AFG2A: variants seen among roughly 807,000 people sequenced by gnomAD.
AFG2A encodes the protein ATPase family gene 2 protein homolog A.
the AFG2A span, among the ~76,000 whole-genome samples, chr4:122,974,293 A>G: frequency 3.3e-5 from 5 of 152,088 alleles, no homozygotes; most frequent in Non-Finnish European, 7.4e-5. Flanking sequence ...AAATTACTAG[A>G]CCATTTTCCC....
At chr4:123,178,281 G>C in the AFG2A span, among the ~76,000 whole-genome samples, 1 of 152,098 alleles carries the variant, frequency 6.6e-6, no homozygotes, top group African/African-American at 2.4e-5. Context: ...ATCTTTCCAA[G>C]TCTCTGATGT....
chr4:123,005,056 G>A, the AFG2A span, among the ~76,000 whole-genome samples: 37 of 151,996 alleles, frequency 2.4e-4, no homozygotes, highest in African/African-American at 7.0e-4. Context: ...TGGTATGTCC[G>A]GTCTTTCATT....
chr4:122,997,279 C>T, the AFG2A span, among the ~76,000 whole-genome samples: 1 of 152,266 alleles, frequency 6.6e-6, no homozygotes, highest in African/African-American at 2.4e-5. Context: ...ATTTTCACCA[C>T]CTAAAAAGAA....
chr4:123,133,685 G>A, the AFG2A span, among the ~76,000 whole-genome samples: 1 of 151,992 alleles, frequency 6.6e-6, no homozygotes, highest in African/African-American at 2.4e-5. Flanking sequence ...TTCTTAAATG[G>A]CTATACTAAT....
the AFG2A span, among the ~76,000 whole-genome samples, chr4:123,188,782 C>T: frequency 6.6e-6 from 1 of 152,106 alleles, no homozygotes; most frequent in African/African-American, 2.4e-5. Flanking sequence ...ATCATGAAGG[C>T]ATCATTTGGT....
chr4:123,128,534 T>C, the AFG2A span, among the ~76,000 whole-genome samples: 1 of 152,140 alleles, frequency 6.6e-6, no homozygotes, highest in Non-Finnish European at 1.5e-5. Context: ...GAACACAAAT[T>C]TTTTTTAAAG....
At chr4:122,985,159 C>T in the AFG2A span, among the ~76,000 whole-genome samples, 17 of 139,446 alleles carry the variant, frequency 1.2e-4, no homozygotes, top group African/African-American at 4.6e-4. Context: ...TAGTTTTGCT[C>T]TTGTTGACCA....
At chr4:122,979,370 C>G in the AFG2A span, 1 of 1,613,942 alleles carries the variant, frequency 6.2e-7, no homozygotes, top group Non-Finnish European at 8.5e-7. Flanking sequence ...AGGGAAATAG[C>G]AATTGATGTC....
At chr4:123,238,703 G>A in the AFG2A span, among the ~76,000 whole-genome samples, 2 of 152,130 alleles carry the variant, frequency 1.3e-5, no homozygotes, top group East Asian at 1.9e-4. Context: ...AAGACCAAAG[G>A]TAGATAAAAC....
chr4:123,205,842 C>G, the AFG2A span, among the ~76,000 whole-genome samples: 1 of 152,142 alleles, frequency 6.6e-6, no homozygotes, highest in Admixed American at 6.5e-5. Flanking sequence ...ATAATCTCAA[C>G]AGGGAAAGCC....
chr4:123,156,866 G>A, the AFG2A span, among the ~76,000 whole-genome samples: 5 of 151,654 alleles, frequency 3.3e-5, no homozygotes, highest in Admixed American at 3.3e-4. Flanking sequence ...GAGATGCCAA[G>A]TACATATGAA....
At chr4:123,237,982 G>A in the AFG2A span, among the ~76,000 whole-genome samples, 7 of 152,174 alleles carry the variant, frequency 4.6e-5, no homozygotes, top group African/African-American at 1.2e-4. Context: ...CAAATACTGC[G>A]CTTTTCCCAT....
the AFG2A span, among the ~76,000 whole-genome samples, chr4:122,939,442 C>T: frequency 6.6e-6 from 1 of 152,018 alleles, no homozygotes; most frequent in African/African-American, 2.4e-5. Context: ...ATTCATAGGA[C>T]TAATAAGAGA....
the AFG2A span, among the ~76,000 whole-genome samples, chr4:123,007,642 AACACACACAC>A: frequency 1.1e-3 from 29 of 25,524 alleles, no homozygotes; most frequent in South Asian, 0.044. Context: ...ACACACACAC[AACACACACAC>A]ACACACACAC....
chr4:123,172,206 T>G, the AFG2A span, among the ~76,000 whole-genome samples: 7 of 152,202 alleles, frequency 4.6e-5, no homozygotes, highest in African/African-American at 1.7e-4. Flanking sequence ...TTAGTGCCTT[T>G]TGGCCTGGCT....
the AFG2A span, chr4:123,318,923 G>C: frequency 6.6e-6 from 1 of 152,128 alleles, no homozygotes; most frequent in East Asian, 1.9e-4. Context: ...GCATCTGTTT[G>C]GTTGAAAGTT....
chr4:123,315,776 A>T, the AFG2A span: 1 of 152,132 alleles, frequency 6.6e-6, no homozygotes, highest in East Asian at 1.9e-4. Flanking sequence ...GGTGGCATAC[A>T]TTCCTTGTTT....
chr4:123,259,690 A>G, the AFG2A span, among the ~76,000 whole-genome samples: 1 of 151,982 alleles, frequency 6.6e-6, no homozygotes, highest in African/African-American at 2.4e-5. Flanking sequence ...TCATTTATTC[A>G]TTTATCTTTT....
chr4:123,121,324 A>G, the AFG2A span, among the ~76,000 whole-genome samples: 1 of 151,998 alleles, frequency 6.6e-6, no homozygotes, highest in African/African-American at 2.4e-5. Flanking sequence ...AAGTTTTAAA[A>G]TAAGTTTAGC....
Sources: gnomAD v4.1 joint callset for allele counts (sites outside exome capture counted in the v4.1 genomes callset) on GRCh38, gnomAD v4.1.1 for gene constraint, MANE v1.5 for transcripts, NCBI Gene and HGNC (gene_info 2026-07-23, HGNC 2026-07-21) for gene names.